Variants in NDEL1 observed in about 807,000 individuals in gnomAD.
NDEL1 encodes nudE neurodevelopment protein 1 like 1.
In NDEL1, 9 loss-of-function variants were observed where a neutral mutation model predicts 45.7. The ratio of observed to expected loss-of-function variants is 0.20; its 90% CI spans 0.12 to 0.34. The LOEUF is 0.34. Ranked by LOEUF, NDEL1 falls within the 10% of genes least tolerant of loss-of-function variation. NDEL1 has a pLI of 1.00. For missense variants in NDEL1, 306 were observed against 406.2 expected (o/e 0.75, Z 2.12); for synonymous variants, 133 against 158.6 (o/e 0.84, Z 1.21).
At chr17:8,424,007 A>AT (rs879409635) in intron 1 of NDEL1, among the ~76,000 whole-genome samples, 3 of 152,210 alleles carry the variant, frequency 2.0e-5, no homozygotes, top group Admixed American at 6.5e-5. Flanking sequence ...ATGCATCCTT[A>AT]TTTTTTAAAC....
intron 1 of NDEL1, among the ~76,000 whole-genome samples, chr17:8,415,416 T>C (rs72841770): frequency 0.11 from 14,577 of 133,300 alleles, 917 homozygotes; most frequent in South Asian, 0.26. Flanking sequence ...TTTGCCACTT[T>C]ATAGTTTTAA....
At chr17:8,436,207 AC>A (rs1567725409) in intron 1 of NDEL1, 162 bp downstream of exon 1, 1 of 233,040 alleles carries the variant, frequency 4.3e-6, no homozygotes, top group Non-Finnish European at 8.6e-6. Context: ...AACTGTTCCA[AC>A]CGCTCTAACT....
chr17:8,444,546 A>G, intron 2 of NDEL1, 189 bp downstream of exon 2: 1 of 460,260 alleles, frequency 2.2e-6, no homozygotes. Context: ...AAGTCTTTAT[A>G]TTGTTCAAAT....
At chr17:8,428,323 G>GGTGGGT (rs1555556559) in intron 1 of NDEL1, among the ~76,000 whole-genome samples, 13 of 62,052 alleles carry the variant, frequency 2.1e-4, no homozygotes, top group East Asian at 4.2e-4. Context: ...AAGTGTGTGT[G>GGTGGGT]GTGTGTGTGT....
At chr17:8,455,348 T>G (rs1367823728) in intron 7 of NDEL1, among the ~76,000 whole-genome samples, 3 of 152,196 alleles carry the variant, frequency 2.0e-5, no homozygotes, top group Admixed American at 2.0e-4. Context: ...CTTCAGTGCC[T>G]TCTCCTTGGT....
chr17:8,471,936 C>T (rs1424195457), downstream of NDEL1, among the ~76,000 whole-genome samples: 2 of 152,162 alleles, frequency 1.3e-5, no homozygotes, highest in Non-Finnish European at 1.5e-5. Flanking sequence ...TTCTTGCATT[C>T]CTCCCAGAGA....
At chr17:8,451,747 T>A (rs745610942) in intron 6 of NDEL1, among the ~76,000 whole-genome samples, 13 of 152,254 alleles carry the variant, frequency 8.5e-5, no homozygotes, top group Middle Eastern at 6.8e-3. Context: ...AGCTCGTAGT[T>A]CATATTTCTG....
At chr17:8,447,827 G>C (rs1372843022) in intron 4 of NDEL1, among the ~76,000 whole-genome samples, 1 of 152,154 alleles carries the variant, frequency 6.6e-6, no homozygotes, top group Non-Finnish European at 1.5e-5. Flanking sequence ...CTGACATGAT[G>C]CTAAACTTAC....
rs925047604 is a variant in NDEL1, at chr17:8,465,217, A to C, written c.945-1713A>C. The C allele has an allele frequency of 6.6e-6, 1 of 152,228 alleles. No individual in the cohort carries two copies. Among genetic ancestry groups the C allele is most frequent in the African/African-American group, 2.4e-5 (1 of 41,452 alleles). 9.4% of individuals were successfully genotyped at this position (152,228 alleles called of 1,614,324 possible). On this transcript the variant is annotated intron_variant, in intron 8 of 8. Coordinates refer to ENST00000334527, the MANE Select transcript of NDEL1 (RefSeq NM_030808.5). The surrounding 1 kb of genome is among the most constrained non-coding windows in gnomAD (Gnocchi z 4.9). Reference sequence around the variant, plus strand: ...TAGCCAGACAGATGGAGCCTATTATATGAGGGCTACCGTGGCAAATAGGAT... The same window carrying C: ...TAGCCAGACAGATGGAGCCTATTATCTGAGGGCTACCGTGGCAAATAGGAT...
At chr17:8,435,829 C>T (rs1033859222), upstream of NDEL1, 25 of 445,050 alleles carry the variant, frequency 5.6e-5, no homozygotes, top group Middle Eastern at 6.9e-4. Context: ...TGCGCTGCCG[C>T]GCATGCTCCG....
At chr17:8,448,004 C>T (rs1002226180) in intron 4 of NDEL1, among the ~76,000 whole-genome samples, 1 of 151,698 alleles carries the variant, frequency 6.6e-6, no homozygotes, top group African/African-American at 2.4e-5. Flanking sequence ...AGTGGGGGAA[C>T]CAATCAGAGG....
At chr17:8,445,186 T>G (rs1910001928) in intron 2 of NDEL1, 1 of 152,164 alleles carries the variant, frequency 6.6e-6, no homozygotes, top group African/African-American at 2.4e-5. Flanking sequence ...TTGAAAAAAG[T>G]TATCTAAATA....
rs190846047 is a variant in NDEL1 at position 8,428,736 on chromosome 17, T to C, written c.-13+15467T>C. ...TCACCCAGGCCAGACTGCAGTGGCA[T>C]GATCTCGGCTCACTGCAAGCTCCGC... is the stretch of plus-strand genomic sequence containing the variant. On this transcript the variant is annotated intron_variant, in intron 1 of 4. Transcript: ENST00000582812. Among the ~76,000 whole-genome samples the C allele has an allele frequency of 1.2e-3, 177 of 151,612 alleles. 1 individual carries two copies. The highest frequency in any genetic ancestry group is 2.2e-3 in the Non-Finnish European group (147 of 67,922).
chr17:8,417,999 A>G (rs567598718), intron 1 of NDEL1, among the ~76,000 whole-genome samples: 55 of 152,198 alleles, frequency 3.6e-4, no homozygotes, highest in African/African-American at 1.3e-3. Flanking sequence ...GCCCCACCCT[A>G]CCTTGCTTTT....
intron 1 of NDEL1, among the ~76,000 whole-genome samples, chr17:8,437,301 G>T (rs759981869): frequency 6.6e-6 from 1 of 152,182 alleles, no homozygotes; most frequent in Non-Finnish European, 1.5e-5. Flanking sequence ...GTTAGAGGTT[G>T]ACTTGATCCA....
chr17:8,459,987 C>G (rs201960317), intron 7 of NDEL1, 22 bp from the exon 8 acceptor site: 206 of 1,600,238 alleles, frequency 1.3e-4, no homozygotes, highest in Non-Finnish European at 1.6e-4. Flanking sequence ...ACAACCATAT[C>G]ATTCCTCCTT....
At chr17:8,473,306 C>A (rs560085556) in intron 3 of NDEL1, among the ~76,000 whole-genome samples, 4 of 152,168 alleles carry the variant, frequency 2.6e-5, no homozygotes, top group African/African-American at 9.6e-5. Context: ...CATGCCTCAG[C>A]CCCCCAAGTA....
intron 1 of NDEL1, among the ~76,000 whole-genome samples, chr17:8,441,986 T>C (rs72841785): frequency 0.016 from 2,419 of 152,304 alleles, 37 homozygotes; most frequent in Non-Finnish European, 0.024. Flanking sequence ...TTCCTCTCAG[T>C]TCACTAGGTC....
chr17:8,431,935 C>G (rs1909009761), upstream of NDEL1: 1 of 149,886 alleles, frequency 6.7e-6, no homozygotes, highest in Non-Finnish European at 1.5e-5. Flanking sequence ...TCTTGGCTCA[C>G]TGCAACTTCC....
Sources: allele counts gnomAD v4.1 joint callset (sites outside exome capture counted in the v4.1 genomes callset), GRCh38; gene constraint gnomAD v4.1.1; non-coding constraint Gnocchi (gnomAD v3.1); transcripts MANE v1.5; gene names NCBI Gene and HGNC (gene_info 2026-07-23, HGNC 2026-07-21).